The following RANBP2 variants were observed in gnomAD, a reference collection of about 807,000 sequenced individuals.
RANBP2 encodes the protein RAN binding protein 2, also known as E3 SUMO-protein ligase RanBP2.
Under a neutral mutation model 303.6 loss-of-function variants are expected in RANBP2, and 57 were observed. That is an observed-to-expected ratio of 0.19 (90% CI 0.15 to 0.23). RANBP2 has a LOEUF of 0.23. RANBP2 is among the 10% of genes least tolerant of loss of function. The pLI is 1.00. For missense variants in RANBP2, 3,138 were observed against 3,780.8 expected, an observed-to-expected ratio of 0.83 and a Z score of 4.46; for synonymous variants, 1,167 against 1,301.5, an observed-to-expected ratio of 0.90 and a Z score of 2.23.
chr2:109,085,311 T>C, the RANBP2 span, among the ~76,000 whole-genome samples: 1 of 152,194 alleles, frequency 6.6e-6, no homozygotes, highest in South Asian at 2.1e-4. Flanking sequence ...AAACCATTTA[T>C]TTATTTTTTT....
At chr2:109,494,221 G>C in the RANBP2 span, among the ~76,000 whole-genome samples, 5 of 152,314 alleles carry the variant, frequency 3.3e-5, 1 homozygote, top group South Asian at 4.1e-4. Flanking sequence ...TGATGAATTA[G>C]AAAATTCAGA....
chr2:109,133,401 A>C, the RANBP2 span, among the ~76,000 whole-genome samples: 1 of 152,216 alleles, frequency 6.6e-6, no homozygotes, highest in Admixed American at 6.5e-5. Flanking sequence ...GAGAATCATA[A>C]AATTATATTT....
At chr2:108,888,151 T>A in the RANBP2 span, among the ~76,000 whole-genome samples, 1 of 152,186 alleles carries the variant, frequency 6.6e-6, no homozygotes, top group African/African-American at 2.4e-5. Context: ...ATTTTGTTGA[T>A]GTGATATGTC....
At chr2:109,431,041 A>G in the RANBP2 span, among the ~76,000 whole-genome samples, 1 of 152,230 alleles carries the variant, frequency 6.6e-6, no homozygotes, top group Non-Finnish European at 1.5e-5. Context: ...TTTAATCTCT[A>G]CAAGGTTCTC....
At chr2:109,539,070 C>A in the RANBP2 span, among the ~76,000 whole-genome samples, 2 of 152,074 alleles carry the variant, frequency 1.3e-5, no homozygotes, top group African/African-American at 4.8e-5. Flanking sequence ...GAGGCCAAGG[C>A]AGGCGGCTCA....
chr2:109,580,013 C>T, the RANBP2 span, among the ~76,000 whole-genome samples: 3 of 151,678 alleles, frequency 2.0e-5, no homozygotes, highest in East Asian at 2.0e-4. Context: ...CCCAGCTACT[C>T]GGGAGGCTGA....
the RANBP2 span, among the ~76,000 whole-genome samples, chr2:109,647,154 A>AAT: frequency 3.4e-5 from 3 of 87,792 alleles, no homozygotes; most frequent in African/African-American, 1.4e-4. Context: ...GGCTCTCCTC[A>AAT]CTTTTTTTTT....
At chr2:109,679,579 T>C in the RANBP2 span, among the ~76,000 whole-genome samples, 27 of 152,344 alleles carry the variant, frequency 1.8e-4, no homozygotes, top group Middle Eastern at 0.01. Context: ...CCTAAGGCTC[T>C]CCTCAGTGCT....
At chr2:108,832,986 A>C in the RANBP2 span, among the ~76,000 whole-genome samples, 1 of 152,210 alleles carries the variant, frequency 6.6e-6, no homozygotes, top group Non-Finnish European at 1.5e-5. Context: ...GACACCTTAA[A>C]TGCACATTGC....
the RANBP2 span, among the ~76,000 whole-genome samples, chr2:109,452,946 G>A: frequency 4.1e-5 from 6 of 146,298 alleles, no homozygotes; most frequent in South Asian, 4.4e-4. Context: ...GGCTGGTGCC[G>A]GGAGGCTGGT....
the RANBP2 span, among the ~76,000 whole-genome samples, chr2:109,281,639 A>G: frequency 3.3e-5 from 5 of 152,166 alleles, no homozygotes; most frequent in Admixed American, 6.5e-5. Context: ...TAATTTGAGT[A>G]TAAGTGTTTA....
At chr2:109,149,396 C>T in the RANBP2 span, among the ~76,000 whole-genome samples, 8 of 152,308 alleles carry the variant, frequency 5.3e-5, no homozygotes, top group African/African-American at 1.9e-4. Context: ...AATAACGTAG[C>T]TATTAATATT....
intron 25 of RANBP2, 133 bp downstream of exon 25, chr2:108,777,364 A>G: frequency 1.9e-6 from 1 of 538,250 alleles, no homozygotes; most frequent in Non-Finnish European, 3.1e-6. Flanking sequence ...TTAGTGTTTT[A>G]ATAATGAAGG....
At chr2:109,338,620 C>T in the RANBP2 span, among the ~76,000 whole-genome samples, 1,246 of 152,230 alleles carry the variant, frequency 8.2e-3, 16 homozygotes, top group African/African-American at 0.029. Context: ...TGCAGTGGTA[C>T]GATCTTGGCT....
At chr2:109,295,028 A>G in the RANBP2 span, among the ~76,000 whole-genome samples, 2 of 152,246 alleles carry the variant, frequency 1.3e-5, no homozygotes, top group South Asian at 2.1e-4. Flanking sequence ...AGCCATCGCT[A>G]TGAATTCTCA....
At chr2:109,669,459 T>G in the RANBP2 span, among the ~76,000 whole-genome samples, 2 of 152,082 alleles carry the variant, frequency 1.3e-5, no homozygotes, top group South Asian at 2.1e-4. Flanking sequence ...TATAATAAGC[T>G]CAAACAACTC....
chr2:109,027,507 C>G, the RANBP2 span, among the ~76,000 whole-genome samples: 1 of 152,262 alleles, frequency 6.6e-6, no homozygotes, highest in East Asian at 1.9e-4. Context: ...CATGAAGGCA[C>G]AGGCTCTGAG....
At chr2:108,923,516 G>A in the RANBP2 span, 1 of 1,496,658 alleles carries the variant, frequency 6.7e-7, no homozygotes, top group East Asian at 2.3e-5. Context: ...GGCAGGGACT[G>A]GTGCAGAGAG....
At chr2:109,275,997 A>G in the RANBP2 span, among the ~76,000 whole-genome samples, 1 of 152,082 alleles carries the variant, frequency 6.6e-6, no homozygotes, top group South Asian at 2.1e-4. Context: ...ACATGCCCCC[A>G]TTTGGTCTCC....
Sources: gnomAD v4.1 joint callset for allele counts (sites outside exome capture counted in the v4.1 genomes callset) on GRCh38, gnomAD v4.1.1 for gene constraint, MANE v1.5 for transcripts, NCBI Gene and HGNC (gene_info 2026-07-23, HGNC 2026-07-21) for gene names.